Variants in AGBL4 observed in about 807,000 individuals in gnomAD.
AGBL4 encodes the protein cytosolic carboxypeptidase 6.
In AGBL4, 58 loss-of-function variants were observed where a neutral mutation model predicts 66.4. The ratio of observed to expected loss-of-function variants is 0.87; its 90% CI spans 0.71 to 1.09. The LOEUF (loss-of-function observed/expected upper bound fraction) is 1.09, where lower values mean the gene tolerates loss of function less well. Ranked by LOEUF, AGBL4 falls within the 50% of genes least tolerant of loss-of-function variation. AGBL4 has a pLI of 0.00. For synonymous variants in AGBL4, 234 were observed against 222.9 expected, an observed-to-expected ratio of 1.05 and a Z score of -0.44; for missense variants, 579 against 631.0, an observed-to-expected ratio of 0.92 and a Z score of 0.88.
At chr1:49,547,450 T>G (rs986433580) in intron 3 of AGBL4, among the ~76,000 whole-genome samples, 1 of 152,190 alleles carries the variant, frequency 6.6e-6, no homozygotes, top group African/African-American at 2.4e-5. Flanking sequence ...GCTTCCAGAT[T>G]TGTTCTTTTT....
chr1:48,879,940 A>G (rs1649612207), intron 5 of AGBL4, among the ~76,000 whole-genome samples: 1 of 152,182 alleles, frequency 6.6e-6, no homozygotes, highest in Admixed American at 6.5e-5. Context: ...TAAAATCTCA[A>G]CATCTCAATA....
chr1:49,620,144 T>C (rs1471294292), intron 3 of AGBL4, among the ~76,000 whole-genome samples: 2 of 151,902 alleles, frequency 1.3e-5, no homozygotes, highest in African/African-American at 4.8e-5. Context: ...ACTAAAGAGC[T>C]TCTACACAGC....
intron 2 of AGBL4, among the ~76,000 whole-genome samples, chr1:49,769,677 T>TAG (rs1643998850): frequency 6.6e-6 from 1 of 152,158 alleles, no homozygotes; most frequent in East Asian, 1.9e-4. Context: ...TACAATCATC[T>TAG]AATCTTTGAA....
intron 3 of AGBL4, among the ~76,000 whole-genome samples, chr1:49,622,709 G>A (rs1005287407): frequency 2.3e-4 from 34 of 147,696 alleles, no homozygotes; most frequent in African/African-American, 7.5e-4. Flanking sequence ...GATCAAATTC[G>A]AAAATCATTA....
chr1:49,108,826 C>T (rs962971537), intron 4 of AGBL4, among the ~76,000 whole-genome samples: 4 of 152,094 alleles, frequency 2.6e-5, no homozygotes, highest in Non-Finnish European at 5.9e-5. Flanking sequence ...CCACTCTTCA[C>T]CCTACAGCAT....
intron 4 of AGBL4, among the ~76,000 whole-genome samples, chr1:49,147,405 G>A (rs1455945575): frequency 6.6e-6 from 1 of 152,142 alleles, no homozygotes; most frequent in Middle Eastern, 3.2e-3. Flanking sequence ...ACTGCTGCAT[G>A]TCAGCTTGAG....
chr1:48,861,479 T>G (rs1647466668), intron 6 of AGBL4, among the ~76,000 whole-genome samples: 1 of 152,022 alleles, frequency 6.6e-6, no homozygotes, highest in Admixed American at 6.6e-5. Flanking sequence ...AGGCAAAACA[T>G]TCAGATTAAA....
At chr1:49,998,038 C>T (rs1185970542) in intron 1 of AGBL4, among the ~76,000 whole-genome samples, 1 of 151,656 alleles carries the variant, frequency 6.6e-6, no homozygotes, top group Non-Finnish European at 1.5e-5. Context: ...TCTCACAGAA[C>T]TAGAGAAACA....
intron 1 of AGBL4, among the ~76,000 whole-genome samples, chr1:49,869,965 G>T (rs994876611): frequency 2.0e-5 from 3 of 152,046 alleles, no homozygotes; most frequent in African/African-American, 7.2e-5. Context: ...GATCTAGAAT[G>T]TTCCCAACAT....
At chr1:49,267,588 G>C (rs1419922010) in intron 3 of AGBL4, among the ~76,000 whole-genome samples, 1 of 152,074 alleles carries the variant, frequency 6.6e-6, no homozygotes, top group Non-Finnish European at 1.5e-5. Context: ...GCTGAGGCAG[G>C]AGAATCACTG....
chr1:48,927,526 C>G (rs1014997853), intron 5 of AGBL4, among the ~76,000 whole-genome samples: 2 of 152,142 alleles, frequency 1.3e-5, no homozygotes, highest in African/African-American at 4.8e-5. Context: ...CACCTAGAAA[C>G]AGGTTTTCCC....
chr1:48,858,475 T>G (rs978687286), intron 6 of AGBL4, among the ~76,000 whole-genome samples: 7 of 152,222 alleles, frequency 4.6e-5, no homozygotes, highest in African/African-American at 1.7e-4. Flanking sequence ...GTGTATCTAA[T>G]GTAATACTAT....
chr1:48,562,885 A>C (rs1454268491), intron 11 of AGBL4, among the ~76,000 whole-genome samples: 1 of 152,180 alleles, frequency 6.6e-6, no homozygotes, highest in East Asian at 1.9e-4. Context: ...AGACACTGGG[A>C]TGCAAAAGTT....
chr1:49,957,050 A>T (rs1308940726), intron 1 of AGBL4, among the ~76,000 whole-genome samples: 2 of 151,988 alleles, frequency 1.3e-5, no homozygotes, highest in Admixed American at 6.6e-5. Flanking sequence ...CATCAACTAA[A>T]AATAGCAGGT....
rs1646538286 is a variant in AGBL4, at chr1:49,462,549, G to A, written c.283-216685C>T. On this transcript the variant is annotated intron_variant, in intron 3 of 13. Coordinates refer to ENST00000371839, the MANE Select transcript of AGBL4 (RefSeq NM_032785.4). Reference sequence around the variant, plus strand: ...ATTAGGGAGAAGAGAATTCTCAAAGGGAAATGGATCAGCTGCCACAAGCTC... The same window carrying A: ...ATTAGGGAGAAGAGAATTCTCAAAGAGAAATGGATCAGCTGCCACAAGCTC... Among the ~76,000 whole-genome samples the A allele has an allele frequency of 2.6e-5, 4 of 151,748 alleles. No individual in the cohort carries two copies. In the South Asian group the frequency reaches 8.3e-4, roughly 31 times the overall value.
In AGBL4 at chr1:48,546,864, AACAC is replaced by A. The variant is rs58136623; in HGVS notation, c.1268-7130_1268-7127del. Among the ~76,000 whole-genome samples, 132 of 128,378 alleles carry A rather than the reference AACAC, an allele frequency of 1.0e-3. No homozygotes were observed. In the South Asian group the frequency reaches 0.019, roughly 19 times the overall value. 84.2% of individuals were successfully genotyped at this position (128,378 alleles called of 152,430 possible). A position where few individuals can be genotyped will look rare whatever the true frequency, so the allele number is the denominator to read the frequency against. ...AAATAGCGAGGTAGTAAAACAAACA[AACAC>A]ACACACACACACACACACACACACA... is the stretch of plus-strand genomic sequence containing the variant. On this transcript the variant is annotated intron_variant, in intron 11 of 13. Transcript: ENST00000371839.
intron 4 of AGBL4, among the ~76,000 whole-genome samples, chr1:49,224,184 G>A (rs1649716804): frequency 6.6e-6 from 1 of 152,038 alleles, no homozygotes; most frequent in Admixed American, 6.5e-5. Context: ...TTTCTCATTG[G>A]GAAGTCTATT....
intron 3 of AGBL4, among the ~76,000 whole-genome samples, chr1:49,420,459 G>A (rs1367235100): frequency 6.6e-6 from 1 of 152,056 alleles, no homozygotes; most frequent in East Asian, 1.9e-4. Context: ...CCAGCACGTT[G>A]GGAGGCCAAG....
chr1:49,556,387 G>C (rs1424258497), intron 3 of AGBL4, among the ~76,000 whole-genome samples: 2 of 152,024 alleles, frequency 1.3e-5, no homozygotes, highest in African/African-American at 2.4e-5. Flanking sequence ...TGAGGTGGGG[G>C]AAGGGGGCAG....
Sources: allele counts gnomAD v4.1 joint callset (sites outside exome capture counted in the v4.1 genomes callset), GRCh38; gene constraint gnomAD v4.1.1; transcripts MANE v1.5; gene names NCBI Gene and HGNC (gene_info 2026-07-23, HGNC 2026-07-21).